The following LRRC8C variants were observed in gnomAD, a reference collection of about 807,000 sequenced individuals.
LRRC8C encodes volume-regulated anion channel subunit LRRC8C.
In LRRC8C, 20 loss-of-function variants were observed where a neutral mutation model predicts 55.3. The ratio of observed to expected loss-of-function variants is 0.36; its 90% confidence interval spans 0.25 to 0.53. The LOEUF (loss-of-function observed/expected upper bound fraction) is 0.53, where lower values mean the gene tolerates loss of function less well. LRRC8C is among the 20% of genes least tolerant of loss of function. The probability of loss-of-function intolerance (pLI) is 0.92; values close to 1 mark genes in which losing one functional copy is unlikely to be tolerated. For synonymous variants in LRRC8C, 376 were observed against 360.7 expected (o/e 1.04, Z -0.48); for missense variants, 659 against 951.4 (o/e 0.69, Z 4.04).
Position 89,714,106 on chromosome 1 carries a change from G to A in LRRC8C, c.1536G>A (p.Gly512=). 6.2e-7 allele frequency: 1 copy of A among 1,614,008 alleles called. No individual in the cohort carries two copies. The highest frequency in any genetic ancestry group is 1.1e-5 in the South Asian group (1 of 91,072). Residue 512 remains glycine (G), a synonymous_variant, in exon 3 of 3, where the codon GGG becomes GGA. Transcript: ENST00000370454. This position sits in a 1 kb window ranked among gnomAD's most constrained non-coding sequence, Gnocchi z 4.6. The stretch of plus-strand genomic sequence containing the variant: ...GGGAACTCCCCCCCTGGATGTATGG[G>A]CTCCGAAATCTGGAAGAGCTGTACC... ...DMRELPPWMY[G]LRNLEELYLV...
At chr1:89,649,222 C>T (rs190519229) in intron 1 of LRRC8C, among the ~76,000 whole-genome samples, 4 of 152,282 alleles carry the variant, frequency 2.6e-5, no homozygotes, top group East Asian at 1.9e-4. Context: ...TTTTTAATGA[C>T]GTTTAACAAA....
intron 2 of LRRC8C, among the ~76,000 whole-genome samples, chr1:89,694,945 A>G (rs1403460463): frequency 7.3e-6 from 1 of 137,664 alleles, no homozygotes; most frequent in African/African-American, 2.8e-5. Context: ...TTTTTTTGAT[A>G]CAGAGTCTCA....
upstream of LRRC8C, chr1:89,632,197 G>C (rs1221252073): frequency 2.6e-5 from 4 of 152,240 alleles, no homozygotes; most frequent in Admixed American, 2.6e-4. Flanking sequence ...AGACGTCAGA[G>C]TGCTTTTTCA....
intron 2 of LRRC8C, among the ~76,000 whole-genome samples, chr1:89,699,429 G>C (rs2101322638): frequency 6.6e-6 from 1 of 152,318 alleles, no homozygotes; most frequent in East Asian, 1.9e-4. Flanking sequence ...ATGTACCACT[G>C]TGGTTGAGCT....
chr1:89,632,658 CAGGGG>C (rs1656139297), upstream of LRRC8C: 1 of 152,396 alleles, frequency 6.6e-6, no homozygotes, highest in Non-Finnish European at 1.5e-5. Flanking sequence ...CTAACTTACC[CAGGGG>C]AGGAGCTGCG....
chr1:89,713,305 G>A lies in LRRC8C; in HGVS notation c.735G>A (p.Val245=). Residue 245 remains valine, a synonymous_variant, in exon 3 of 3, where the codon GTG becomes GTA. Transcript: ENST00000370454. The surrounding 1 kb of genome is among the most constrained non-coding windows in gnomAD (Gnocchi z 5.2). ...AGGCTAAGGCCTTATTTGAGAAGGT[G>A]AAGAAGTTCAGGCTGCATGTGGAAG... is the stretch of plus-strand genomic sequence containing the variant. The part of the protein sequence containing the change: ...GEQAKALFEK[V]KKFRLHVEEG... The A allele has an allele frequency of 6.2e-7, 1 of 1,614,242 alleles. No homozygotes were observed. The highest frequency in any genetic ancestry group is 8.5e-7 in the Non-Finnish European group (1 of 1,180,038).
chr1:89,657,601 C>T (rs138711783), intron 1 of LRRC8C, among the ~76,000 whole-genome samples: 135 of 152,048 alleles, frequency 8.9e-4, no homozygotes, highest in African/African-American at 3.2e-3. Context: ...ATTATCTGGG[C>T]GTGGTAGCAC....
At chr1:89,651,424 C>T (rs778466791) in intron 1 of LRRC8C, among the ~76,000 whole-genome samples, 52 of 151,574 alleles carry the variant, frequency 3.4e-4, no homozygotes, top group African/African-American at 1.1e-3. Flanking sequence ...AAAAATTAGC[C>T]GGGCATGGTG....
At chr1:89,688,073 C>T (rs185363515) in intron 2 of LRRC8C, among the ~76,000 whole-genome samples, 3 of 152,226 alleles carry the variant, frequency 2.0e-5, no homozygotes, top group Non-Finnish European at 2.9e-5. Context: ...GAGAGGTTAA[C>T]GATCCTCCCA....
chr1:89,634,912 A>T (rs1656236228), intron 1 of LRRC8C, among the ~76,000 whole-genome samples: 1 of 152,246 alleles, frequency 6.6e-6, no homozygotes, highest in Middle Eastern at 3.4e-3. Flanking sequence ...AAAGATGGAT[A>T]TTTGCCATGG....
intron 2 of LRRC8C, among the ~76,000 whole-genome samples, chr1:89,707,660 G>A (rs1441508507): frequency 6.8e-6 from 1 of 146,716 alleles, no homozygotes; most frequent in African/African-American, 2.7e-5. Flanking sequence ...GAGTGTGTGT[G>A]TGTGTGTGTG....
intron 2 of LRRC8C, among the ~76,000 whole-genome samples, chr1:89,688,719 C>T (rs147183385): frequency 1.1e-4 from 16 of 152,240 alleles, no homozygotes; most frequent in South Asian, 4.1e-4. Context: ...TTGGTTTCCC[C>T]GGAGACCTGA....
At chr1:89,623,712 A>T in the LRRC8C span, among the ~76,000 whole-genome samples, 6 of 151,868 alleles carry the variant, frequency 4.0e-5, no homozygotes, top group Admixed American at 3.3e-4. Context: ...ACAGAGCTAG[A>T]CTCCATCTCA....
At chr1:89,619,085 A>C in the LRRC8C span, among the ~76,000 whole-genome samples, 1 of 152,342 alleles carries the variant, frequency 6.6e-6, no homozygotes, top group Admixed American at 6.5e-5. Context: ...AAAAGAACAC[A>C]TAACACTGGT....
intron 2 of LRRC8C, among the ~76,000 whole-genome samples, chr1:89,704,851 G>A (rs1031185558): frequency 6.6e-6 from 1 of 152,066 alleles, no homozygotes; most frequent in Non-Finnish European, 1.5e-5. Context: ...CAACCATTGT[G>A]GAAGTCAGTG....
At chr1:89,650,924 G>A (rs1656755011) in intron 1 of LRRC8C, among the ~76,000 whole-genome samples, 1 of 152,116 alleles carries the variant, frequency 6.6e-6, no homozygotes, top group Admixed American at 6.5e-5. Context: ...AACTTAGATG[G>A]CAAGTCATTT....
At position 89,717,103 on chromosome 1, in the gene LRRC8C, T is replaced by C. The variant is rs1658846003; in HGVS notation, c.*2121T>C. 2 of 152,172 alleles carry C rather than the reference T, an allele frequency of 1.3e-5. No individual in the cohort carries two copies. The highest frequency in any genetic ancestry group is 2.9e-5 in the Non-Finnish European group (2 of 68,018). The allele number at this position is 152,172 out of a possible 1,614,324, so 9.4% of individuals were successfully genotyped here. A position where few individuals can be genotyped will look rare whatever the true frequency, so the allele number is the denominator to read the frequency against. On this transcript the variant is annotated 3_prime_UTR_variant, in exon 3 of 3. Transcript: ENST00000370454. ...ATTCAATTTCAGAATAGTGTTGGAA[T>C]CCTGAGTTTGAATAATGTGTTGTAT... is the stretch of plus-strand genomic sequence containing the variant.
chr1:89,712,770 C>T lies in LRRC8C; in HGVS notation c.200C>T (p.Ser67Phe), dbSNP rs1407694883. 6.2e-7 allele frequency: 1 copy of T among 1,614,042 alleles called. No homozygotes were observed. Among genetic ancestry groups the T allele is most frequent in the Non-Finnish European group, 8.5e-7 (1 of 1,180,042 alleles). ...GTGCAGCCTGCTCAGAACCACTCTTCCCTTTCGAATGTCTCTCAAGCAGTT... is the reference window on the plus strand; with the variant it reads ...GTGCAGCCTGCTCAGAACCACTCTTTCCTTTCGAATGTCTCTCAAGCAGTT... ...KRVQPAQNHS[S>F]LSNVSQAVAS... Residue 67 changes from serine (S) to phenylalanine (F), a missense_variant, in exon 3 of 3, where the codon TCC becomes TTC. Ser to Phe is a radical substitution (Grantham distance 155). This residue lies in a region of LRRC8C where 82 missense variants were observed against 71.4 expected (regional missense o/e 1.15). Coordinates refer to ENST00000370454, the MANE Select transcript of LRRC8C (RefSeq NM_032270.5).
intron 1 of LRRC8C, among the ~76,000 whole-genome samples, chr1:89,685,378 G>A (rs1475051222): frequency 1.3e-5 from 2 of 150,612 alleles, no homozygotes; most frequent in Non-Finnish European, 3.0e-5. Context: ...GCCTCCCAAA[G>A]TGCTGGGATT....
Sources: allele counts gnomAD v4.1 joint callset (sites outside exome capture counted in the v4.1 genomes callset), GRCh38; gene constraint gnomAD v4.1.1; regional missense constraint gnomAD v4.1.1; non-coding constraint Gnocchi (gnomAD v3.1); transcripts MANE v1.5; gene names NCBI Gene and HGNC (gene_info 2026-07-23, HGNC 2026-07-21).